The following FARS2 variants were observed in gnomAD, a reference collection of about 807,000 sequenced individuals.
FARS2 encodes phenylalanyl-tRNA synthetase 2, mitochondrial.
A neutral mutation model predicts 46.4 loss-of-function variants in FARS2; 40 were observed. The observed-to-expected ratio is 0.86, with a 90% CI of 0.67 to 1.12. The LOEUF (loss-of-function observed/expected upper bound fraction) is 1.12. Among genes scored for constraint, FARS2 ranks in the 50% most tolerant of loss-of-function variants. FARS2 has a pLI of 0.00. For synonymous variants in FARS2, 234 were observed against 214.9 expected (o/e 1.09, Z -0.78); for missense variants, 513 against 567.9 (o/e 0.90, Z 0.98).
intron 4 of FARS2, among the ~76,000 whole-genome samples, chr6:5,503,403 C>G (rs369327226): frequency 1.0e-3 from 77 of 74,338 alleles, no homozygotes; most frequent in Admixed American, 3.1e-3. Context: ...CACACACACA[C>G]ACAGAGAGAG....
At chr6:5,564,256 T>G (rs529374732) in intron 5 of FARS2, among the ~76,000 whole-genome samples, 108 of 152,310 alleles carry the variant, frequency 7.1e-4, no homozygotes, top group Admixed American at 2.0e-3. Context: ...TGCTAAGATA[T>G]AGAATTCTCC....
chr6:5,644,982 C>T (rs1335318037), intron 6 of FARS2, among the ~76,000 whole-genome samples: 1 of 152,190 alleles, frequency 6.6e-6, no homozygotes, highest in East Asian at 1.9e-4. Flanking sequence ...TCAGAGCCGA[C>T]TCAGCACTTA....
At chr6:5,742,745 T>A (rs1411273236) in intron 6 of FARS2, among the ~76,000 whole-genome samples, 1 of 151,964 alleles carries the variant, frequency 6.6e-6, no homozygotes, top group Non-Finnish European at 1.5e-5. Flanking sequence ...CAAGGAAAAA[T>A]CATCAGGTGA....
chr6:5,444,092 C>CAT, intron 4 of FARS2, among the ~76,000 whole-genome samples: 1 of 146,314 alleles, frequency 6.8e-6, no homozygotes, highest in South Asian at 2.3e-4. Flanking sequence ...GGAAGATCCT[C>CAT]GTGTGTGTGT....
intron 6 of FARS2, among the ~76,000 whole-genome samples, chr6:5,724,040 C>T (rs1760096810): frequency 6.6e-6 from 1 of 152,178 alleles, no homozygotes; most frequent in Admixed American, 6.5e-5. Context: ...GGAAGGGCCG[C>T]CCCAGTGGGT....
chr6:5,475,070 T>G (rs1312333032), intron 4 of FARS2, among the ~76,000 whole-genome samples: 2 of 152,098 alleles, frequency 1.3e-5, no homozygotes, highest in Non-Finnish European at 2.9e-5. Context: ...ATATACAAGG[T>G]GGAAATTGAC....
intron 6 of FARS2, among the ~76,000 whole-genome samples, chr6:5,735,666 C>T (rs1343266648): frequency 6.6e-6 from 1 of 152,220 alleles, no homozygotes; most frequent in Non-Finnish European, 1.5e-5. Flanking sequence ...GCTAATAAAA[C>T]AGTATGAAGT....
At chr6:5,348,660 T>G (rs1757390928) in intron 1 of FARS2, among the ~76,000 whole-genome samples, 1 of 151,314 alleles carries the variant, frequency 6.6e-6, no homozygotes, top group Non-Finnish European at 1.5e-5. Context: ...TTTTTATCCT[T>G]TAAAACTTGT....
At chr6:5,503,619 T>C (rs1767937694) in intron 4 of FARS2, among the ~76,000 whole-genome samples, 2 of 152,180 alleles carry the variant, frequency 1.3e-5, no homozygotes, top group Non-Finnish European at 2.9e-5. Context: ...TGTAAAATCA[T>C]TGAGTATAGA....
chr6:5,328,756 G>A (rs1268822961), intron 1 of FARS2, among the ~76,000 whole-genome samples: 1 of 152,044 alleles, frequency 6.6e-6, no homozygotes. Flanking sequence ...AGAAGGCCTT[G>A]TAAGTAAGAG....
chr6:5,692,611 T>C (rs1757823780), intron 6 of FARS2, among the ~76,000 whole-genome samples: 1 of 152,222 alleles, frequency 6.6e-6, no homozygotes, highest in African/African-American at 2.4e-5. Flanking sequence ...GCTTAAAAAA[T>C]ATACTGCTTA....
Position 5,359,029 on chromosome 6 carries a change from C to CTTTTTTTTTTTTTTTTTTTTTTTTTT in FARS2, c.-21-9521_-21-9520insTTTTTTTTTTTTTTTTTTTTTTTTTT, listed in dbSNP as rs764897456. ...TCGAATTATAGTGATGAAAAGATAC[C>CTTTTTTTTTTTTTTTTTTTTTTTTTT]CTTTTTTTTTTTTTTTTTTTTTTTT... On this transcript the variant is annotated intron_variant, in intron 1 of 6. Transcript: ENST00000274680. Among the ~76,000 whole-genome samples the CTTTTTTTTTTTTTTTTTTTTTTTTTT allele has an allele frequency of 3.6e-4, 26 of 72,516 alleles. 12 individuals are homozygous for CTTTTTTTTTTTTTTTTTTTTTTTTTT. Among genetic ancestry groups the CTTTTTTTTTTTTTTTTTTTTTTTTTT allele is most frequent in the Admixed American group, 3.9e-4 (2 of 5,186 alleles). The allele number at this position is 72,516 out of a possible 152,430, so 47.6% of individuals were successfully genotyped here.
At chr6:5,574,145 G>A (rs1001726893) in intron 5 of FARS2, among the ~76,000 whole-genome samples, 27 of 152,040 alleles carry the variant, frequency 1.8e-4, no homozygotes, top group Non-Finnish European at 5.9e-5. Flanking sequence ...GTTTTGTTTT[G>A]TTTTGAGACA....
At chr6:5,607,196 G>A (rs1774885835) in intron 5 of FARS2, among the ~76,000 whole-genome samples, 1 of 151,906 alleles carries the variant, frequency 6.6e-6, no homozygotes, top group African/African-American at 2.4e-5. Context: ...GGGCTGCTAG[G>A]GAAAATGAAG....
intron 5 of FARS2, among the ~76,000 whole-genome samples, chr6:5,580,074 GA>G (rs1773236799): frequency 6.6e-6 from 1 of 151,880 alleles, no homozygotes; most frequent in African/African-American, 2.4e-5. Context: ...GGCGGATCAT[GA>G]GGTCAAGAGT....
At chr6:5,606,842 G>T (rs1397894421) in intron 5 of FARS2, among the ~76,000 whole-genome samples, 1 of 152,104 alleles carries the variant, frequency 6.6e-6, no homozygotes, top group Non-Finnish European at 1.5e-5. Context: ...GTCCATTTGC[G>T]TGTGTTTGTT....
At chr6:5,672,984 AAC>A (rs918192780) in intron 6 of FARS2, among the ~76,000 whole-genome samples, 3 of 152,172 alleles carry the variant, frequency 2.0e-5, no homozygotes, top group African/African-American at 7.2e-5. Context: ...AGGAGTAATT[AAC>A]ATAACCAAAG....
chr6:5,574,175 A>G (rs1223080633), intron 5 of FARS2, among the ~76,000 whole-genome samples: 1 of 152,200 alleles, frequency 6.6e-6, no homozygotes, highest in Non-Finnish European at 1.5e-5. Flanking sequence ...TCTGTCATCC[A>G]GGCTGGACTA....
In FARS2 at chr6:5,456,493, G is replaced by A. The variant is rs1764872101; in HGVS notation, c.904+25321G>A. On this transcript the variant is annotated intron_variant, in intron 4 of 6. Transcript: ENST00000274680. ...TCACGCCTGTAATCCCAACACTTTG[G>A]GAGGCCGAGGCAGGCGGATCACGAG... Among the ~76,000 whole-genome samples the A allele has an allele frequency of 2.6e-5, 4 of 151,374 alleles. No homozygotes were observed. In the South Asian group the frequency reaches 8.4e-4, roughly 32 times the overall value.
Sources: gnomAD v4.1 joint callset for allele counts (sites outside exome capture counted in the v4.1 genomes callset) on GRCh38, gnomAD v4.1.1 for gene constraint, MANE v1.5 for transcripts, NCBI Gene and HGNC (gene_info 2026-07-23, HGNC 2026-07-21) for gene names.